The following LYST variants were observed in gnomAD, a reference collection of about 807,000 sequenced individuals.
The protein encoded by LYST is lysosomal-trafficking regulator.
Under a neutral mutation model 413.6 loss-of-function variants are expected in LYST, and 192 were observed. That is an observed-to-expected ratio of 0.46 (90% CI 0.41 to 0.52). LYST has a LOEUF of 0.52. Ranked by LOEUF, LYST falls within the 20% of genes least tolerant of loss-of-function variation. The pLI is 0.00. For synonymous variants in LYST, 1,525 were observed against 1,567.3 expected (o/e 0.97, Z 0.64); for missense variants, 3,815 against 4,499.9 (o/e 0.85, Z 4.35).
At position 235,771,914 on chromosome 1, in the gene LYST, T is replaced by G. The variant is rs1419985115; in HGVS notation, c.5785-1617A>C. Among the ~76,000 whole-genome samples, 8 of 127,624 alleles carry G rather than the reference T, an allele frequency of 6.3e-5. No homozygotes were observed. In the Admixed American group the frequency reaches 6.8e-4, roughly 11 times the overall value. The allele number at this position is 127,624 out of a possible 152,430, so 83.7% of individuals were successfully genotyped here. A position where few individuals can be genotyped will look rare whatever the true frequency, so the allele number is the denominator to read the frequency against. ...TAATAGATTAGAAAAGGTTTTTTAG[T>G]TTGTTTTTTTTTTTTTTTTTTTTTT... On this transcript the variant is annotated intron_variant, in intron 19 of 52. Transcript: ENST00000389793.
At position 235,746,546 on chromosome 1, in the gene LYST, T is replaced by G. The variant is rs1435844881; in HGVS notation, c.7781-19A>C. The G allele has an allele frequency of 4.5e-6, 7 of 1,569,978 alleles. No homozygotes were observed. Among genetic ancestry groups the G allele is most frequent in the Non-Finnish European group, 6.1e-6 (7 of 1,143,146 alleles). ...CGAGGACCTTTAAAAGTATATAAATTAAAACATCAAATCCCAGTGTTAATA... is the reference window on the plus strand; with the variant it reads ...CGAGGACCTTTAAAAGTATATAAATGAAAACATCAAATCCCAGTGTTAATA... On this transcript the variant is annotated intron_variant, in intron 28 of 52. Coordinates refer to ENST00000389793, the MANE Select transcript of LYST (RefSeq NM_000081.4).
At position 235,808,894 on chromosome 1, in the gene LYST, C is replaced by T; in HGVS notation, c.1924G>A (p.Val642Ile). ...IKKAACNICT[V>I]DSDQLAQLEE... ...AATTGGGCTAGTTGGTCAGAGTCAA[C>T]AGTACAAATATTACAAGCTGCTTTT... Residue 642 changes from valine to isoleucine, a missense_variant, in exon 5 of 53, where the codon GTT (valine) becomes ATT (isoleucine). Around this residue, in one of 4 missense-constraint regions of LYST, gnomAD observed 1,648 missense variants for 1,810.3 expected, o/e 0.91. Coordinates refer to ENST00000389793, the MANE Select transcript of LYST (RefSeq NM_000081.4). 1.9e-6 allele frequency: 3 copies of T among 1,613,670 alleles called. No individual in the cohort carries two copies. The highest frequency in any genetic ancestry group is 2.5e-6 in the Non-Finnish European group (3 of 1,179,738).
In LYST at chr1:235,770,059, GA is replaced by G. The variant is rs796359135; in HGVS notation, c.5922+100del. The G allele has an allele frequency of 4.5e-5, 48 of 1,063,012 alleles. No individual in the cohort carries two copies. In the African/African-American group the frequency reaches 4.8e-4, roughly 11 times the overall value. 65.8% of individuals were successfully genotyped at this position (1,063,012 alleles called of 1,614,324 possible). On this transcript the variant is annotated intron_variant, in intron 20 of 52. Coordinates refer to ENST00000389793, the MANE Select transcript of LYST (RefSeq NM_000081.4). The stretch of plus-strand genomic sequence containing the variant: ...CTGGAGAGAAGATGGAAAAAAAAAA[GA>G]AAAAAAGTCCCATTGAAAGTGCCAC...
intron 11 of LYST, among the ~76,000 whole-genome samples, chr1:235,792,746 C>T (rs536709670): frequency 2.0e-5 from 3 of 151,684 alleles, no homozygotes; most frequent in Non-Finnish European, 4.4e-5. Context: ...TCACTGCAAC[C>T]TTTGCCTCCT....
rs750935624 is a variant in LYST, at chr1:235,781,006, G to T, written c.5073C>A (p.Pro1691=). The T allele has an allele frequency of 4.3e-6, 7 of 1,611,598 alleles. No homozygotes were observed. The highest frequency in any genetic ancestry group is 8.5e-7 in the Non-Finnish European group (1 of 1,178,428). Residue 1691 remains proline, a synonymous_variant, in exon 16 of 53, where the codon CCC becomes CCA. Transcript: ENST00000389793. ...TACATGGCATTACAGATGTATGGTT[G>T]GGTCCACAAGCATACAGATAAAAGG... ...QEAFYLYACG[P]NHTSVMPCKY... is the part of the protein sequence containing the mutation.
intron 43 of LYST, 26 bp from the exon 44 acceptor site, chr1:235,709,334 T>C: frequency 1.3e-6 from 2 of 1,536,538 alleles, no homozygotes; most frequent in African/African-American, 1.4e-5. Context: ...AATATTAATA[T>C]TTAACTCCCC....
chr1:235,824,340 A>G (rs1378218220), intron 3 of LYST, among the ~76,000 whole-genome samples: 2 of 152,254 alleles, frequency 1.3e-5, no homozygotes, highest in African/African-American at 2.4e-5. Flanking sequence ...CATGTATACT[A>G]GTCCAATTTT....
intron 42 of LYST, among the ~76,000 whole-genome samples, chr1:235,714,832 T>C (rs1480853761): frequency 2.6e-5 from 4 of 152,210 alleles, no homozygotes; most frequent in Admixed American, 6.5e-5. Context: ...ATAATGTACA[T>C]AGGCTCCAAA....
rs779930704 is a variant in LYST, at chr1:235,757,277, T to C, written c.7059+4A>G. 6.2e-7 allele frequency: 1 copy of C among 1,607,812 alleles called. No individual in the cohort carries two copies. The highest frequency in any genetic ancestry group is 8.5e-7 in the Non-Finnish European group (1 of 1,174,812). ...AAAATAACATATCTAGTATTTGCCC[T>C]TACTTTAATAACACCTTGTTGTATA... On this transcript the variant is annotated splice_donor_region_variant and intron_variant, in intron 24 of 52. Coordinates refer to ENST00000389793, the MANE Select transcript of LYST (RefSeq NM_000081.4).
intron 1 of LYST, among the ~76,000 whole-genome samples, chr1:235,878,240 G>T (rs1681225264): frequency 6.6e-6 from 1 of 152,194 alleles, no homozygotes; most frequent in Admixed American, 6.5e-5. Flanking sequence ...GGGACTCCAG[G>T]CCAGGAGGCA....
At chr1:235,857,657 G>T (rs1194774473) in intron 1 of LYST, among the ~76,000 whole-genome samples, 1 of 151,368 alleles carries the variant, frequency 6.6e-6, no homozygotes, top group Non-Finnish European at 1.5e-5. Context: ...AAAGAGGGGG[G>T]TGTGTCTGTG....
At chr1:235,710,394 T>C (rs1011164277) in intron 43 of LYST, among the ~76,000 whole-genome samples, 1 of 152,018 alleles carries the variant, frequency 6.6e-6, no homozygotes, top group African/African-American at 2.4e-5. Flanking sequence ...AGGAACTTAT[T>C]TATTTAACAG....
intron 39 of LYST, among the ~76,000 whole-genome samples, chr1:235,721,784 G>C (rs1663392293): frequency 1.3e-5 from 2 of 152,142 alleles, no homozygotes; most frequent in South Asian, 4.1e-4. Context: ...AGCCCTGGAA[G>C]GAAAAGGAGG....
rs755680605 is a variant in LYST, at chr1:235,674,878, A to G, written c.11038+2213T>C. Among the ~76,000 whole-genome samples, 2 of 152,186 alleles carry G rather than the reference A, an allele frequency of 1.3e-5. No homozygotes were observed. Among genetic ancestry groups the G allele is most frequent in the East Asian group, 3.8e-4 (2 of 5,202 alleles). On this transcript the variant is annotated intron_variant, in intron 50 of 52. Coordinates refer to ENST00000389793, the MANE Select transcript of LYST (RefSeq NM_000081.4). The surrounding 1 kb of genome is among the most constrained non-coding windows in gnomAD (Gnocchi z 4.1). ...GGTTTAGAAAATAGAAAGGACTCAT[A>G]ACATCAATCTTTATCCCCCTTGCAA... is the stretch of plus-strand genomic sequence containing the variant.
chr1:235,664,028 A>G lies in LYST; in HGVS notation c.11223T>C (p.Pro3741=). 6.2e-7 allele frequency: 1 copy of G among 1,613,546 alleles called. No homozygotes were observed. The highest frequency in any genetic ancestry group is 1.1e-5 in the South Asian group (1 of 91,076). The change falls in exon 52 of 53, where the codon CCT becomes CCC. Residue 3741 remains proline, a synonymous_variant. Coordinates refer to ENST00000389793, the MANE Select transcript of LYST (RefSeq NM_000081.4). This position sits in a 1 kb window ranked among gnomAD's most constrained non-coding sequence, Gnocchi z 4.5. ...ATTTGGGAAATGTAATTTCTCTCAC[A>G]GGCTTTAAGTCCCATGTGCTCCATA... ...VRLWSTWDLK[P]VREITFPKSN...
intron 47 of LYST, among the ~76,000 whole-genome samples, chr1:235,688,062 A>G (rs977364381): frequency 4.6e-5 from 7 of 152,144 alleles, no homozygotes; most frequent in Non-Finnish European, 1.0e-4. Context: ...TTTCTTGAGT[A>G]GTTCTATTTG....
At chr1:235,850,982 C>CA (rs1678462465) in intron 1 of LYST, among the ~76,000 whole-genome samples, 1 of 152,114 alleles carries the variant, frequency 6.6e-6, no homozygotes, top group Non-Finnish European at 1.5e-5. Flanking sequence ...CCTTAAAGAA[C>CA]TAAAAGTAGA....
intron 44 of LYST, among the ~76,000 whole-genome samples, chr1:235,705,325 T>A (rs773676037): frequency 4.6e-5 from 7 of 152,048 alleles, no homozygotes; most frequent in Non-Finnish European, 8.8e-5. Flanking sequence ...CCCAAAGAAT[T>A]AGTGAAAAAA....
At chr1:235,744,504 C>T (rs1665718524) in intron 29 of LYST, among the ~76,000 whole-genome samples, 1 of 152,052 alleles carries the variant, frequency 6.6e-6, no homozygotes, top group Non-Finnish European at 1.5e-5. Context: ...AGCTGTTTCT[C>T]TGCATGTGCT....
Sources: gnomAD v4.1 joint callset for allele counts (sites outside exome capture counted in the v4.1 genomes callset) on GRCh38, gnomAD v4.1.1 for gene constraint, gnomAD v4.1.1 regional missense constraint, Gnocchi (gnomAD v3.1) non-coding constraint, MANE v1.5 for transcripts, NCBI Gene and HGNC (gene_info 2026-07-23, HGNC 2026-07-21) for gene names.